The following CSMD1 variants were observed in gnomAD, a reference collection of about 807,000 sequenced individuals.
The protein encoded by CSMD1 is CUB and Sushi multiple domains 1, also known as CUB and sushi domain-containing protein 1.
In CSMD1, 213 loss-of-function variants were observed where a neutral mutation model predicts 417.5. The ratio of observed to expected loss-of-function variants is 0.51; its 90% CI spans 0.46 to 0.57. The LOEUF (loss-of-function observed/expected upper bound fraction) is 0.57. CSMD1 is among the 20% of genes least tolerant of loss of function. The probability of loss-of-function intolerance (pLI) is 0.00; values close to 1 mark genes in which losing one functional copy is unlikely to be tolerated. For missense variants in CSMD1, 6,923 were observed against 4,529.7 expected, an observed-to-expected ratio of 1.53 and a Z score of -15.17; for synonymous variants, 2,862 against 1,736.8, an observed-to-expected ratio of 1.65 and a Z score of -16.11.
intron 12 of CSMD1, among the ~76,000 whole-genome samples, chr8:3,447,521 G>A (rs541580752): frequency 1.3e-5 from 2 of 152,158 alleles, no homozygotes; most frequent in Non-Finnish European, 2.9e-5. Flanking sequence ...TACTTTGTGC[G>A]GCTGGTGTGG....
chr8:3,358,930 A>G (rs982932457), intron 21 of CSMD1, among the ~76,000 whole-genome samples: 2 of 152,158 alleles, frequency 1.3e-5, no homozygotes, highest in Non-Finnish European at 2.9e-5. Flanking sequence ...GTTCAATCAT[A>G]AAATTTCAGA....
At chr8:4,816,428 A>C (rs1408813532) in intron 1 of CSMD1, among the ~76,000 whole-genome samples, 1 of 152,026 alleles carries the variant, frequency 6.6e-6, no homozygotes, top group Non-Finnish European at 1.5e-5. Context: ...GCGGTTCACC[A>C]TGTTGGCCAG....
intron 5 of CSMD1, among the ~76,000 whole-genome samples, chr8:3,843,131 T>C (rs1015401939): frequency 6.6e-6 from 1 of 152,190 alleles, no homozygotes; most frequent in African/African-American, 2.4e-5. Flanking sequence ...AATGATTCCA[T>C]AGCACATCTA....
chr8:3,237,287 G>A (rs141360106), intron 26 of CSMD1, among the ~76,000 whole-genome samples: 10,320 of 151,670 alleles, frequency 0.068, 425 homozygotes, highest in East Asian at 0.19. Context: ...CCAACATGGT[G>A]AAACCCTGTC....
chr8:4,109,017 G>T (rs955774118), intron 3 of CSMD1, among the ~76,000 whole-genome samples: 3 of 152,102 alleles, frequency 2.0e-5, no homozygotes, highest in African/African-American at 7.2e-5. Flanking sequence ...GGACCTCCAT[G>T]GATACAAATA....
chr8:4,316,318 T>G (rs1585217700), intron 3 of CSMD1, among the ~76,000 whole-genome samples: 1 of 152,148 alleles, frequency 6.6e-6, no homozygotes, highest in African/African-American at 2.4e-5. Flanking sequence ...GAGAAAATAA[T>G]CTGCATATTT....
intron 3 of CSMD1, among the ~76,000 whole-genome samples, chr8:4,221,156 G>A: frequency 6.6e-6 from 1 of 152,290 alleles, no homozygotes; most frequent in South Asian, 2.1e-4. Context: ...GAATATCACT[G>A]AAGCTCCATC....
chr8:3,439,620 T>C (rs1229495127), intron 12 of CSMD1, among the ~76,000 whole-genome samples: 7 of 151,976 alleles, frequency 4.6e-5, no homozygotes, highest in Admixed American at 4.6e-4. Context: ...AAGTTCTTTA[T>C]ATGATTTTTC....
At chr8:3,954,565 C>A (rs779415959) in intron 5 of CSMD1, among the ~76,000 whole-genome samples, 2 of 152,194 alleles carry the variant, frequency 1.3e-5, no homozygotes, top group African/African-American at 4.8e-5. Context: ...GACGGGGTTT[C>A]ACCGTGTTGC....
rs973486974 is a variant in CSMD1 at position 4,728,022 on chromosome 8, T to G, written c.86-90464A>C. ...TATTTATATACAAAATATATATATA[T>G]TTTTTCTATTTTTTTGGTTTATTGT... On this transcript the variant is annotated intron_variant, in intron 1 of 69. Transcript: ENST00000635120. 1.2e-4 allele frequency among the ~76,000 whole-genome samples: 18 copies of G among 146,396 alleles called. No homozygotes were observed. In the Admixed American group the frequency reaches 1.2e-3, roughly 10 times the overall value.
In CSMD1 at chr8:4,631,133, C is replaced by T. The variant is rs557485057; in HGVS notation, c.302+6209G>A. 9.2e-5 allele frequency among the ~76,000 whole-genome samples: 14 copies of T among 152,142 alleles called. 1 individual carries two copies. Among genetic ancestry groups the T allele is most frequent in the South Asian group, 8.3e-4 (4 of 4,826 alleles). ...ATCCCAGCACTTTGGGAGGCCGAGG[C>T]GGGTGGATCACGAGGTCAGGAGTTC... On this transcript the variant is annotated intron_variant, in intron 2 of 69. Transcript: ENST00000635120.
chr8:3,673,002 C>G (rs1309237231), intron 7 of CSMD1, among the ~76,000 whole-genome samples: 1 of 152,160 alleles, frequency 6.6e-6, no homozygotes, highest in Non-Finnish European at 1.5e-5. Context: ...GTAACACATA[C>G]CATGCTTTCC....
At chr8:2,953,091 A>T (rs974960261) in intron 65 of CSMD1, among the ~76,000 whole-genome samples, 3 of 152,208 alleles carry the variant, frequency 2.0e-5, no homozygotes, top group African/African-American at 7.2e-5. Context: ...CTTAAACACA[A>T]AATAAGCAAA....
chr8:3,916,051 A>G (rs754556027), intron 5 of CSMD1, among the ~76,000 whole-genome samples: 1 of 151,868 alleles, frequency 6.6e-6, no homozygotes, highest in Non-Finnish European at 1.5e-5. Flanking sequence ...GGGTAACATA[A>G]TACTTTGCTT....
chr8:3,782,309 A>G (rs1205005544), intron 5 of CSMD1, among the ~76,000 whole-genome samples: 1 of 152,168 alleles, frequency 6.6e-6, no homozygotes, highest in African/African-American at 2.4e-5. Context: ...TGCTAACCAT[A>G]CTTGTATGAT....
At chr8:4,054,188 C>T (rs949532633) in intron 3 of CSMD1, among the ~76,000 whole-genome samples, 6 of 152,078 alleles carry the variant, frequency 3.9e-5, no homozygotes, top group East Asian at 1.9e-4. Context: ...ACAGAACGCA[C>T]GGCCATGAGA....
At chr8:4,046,935 T>G (rs778032244) in intron 3 of CSMD1, among the ~76,000 whole-genome samples, 1 of 152,138 alleles carries the variant, frequency 6.6e-6, no homozygotes, top group African/African-American at 2.4e-5. Flanking sequence ...AAGAGGGAAC[T>G]TGAGTCCTAA....
intron 26 of CSMD1, among the ~76,000 whole-genome samples, chr8:3,271,762 C>T (rs546243416): frequency 2.0e-5 from 3 of 152,044 alleles, no homozygotes; most frequent in African/African-American, 7.2e-5. Flanking sequence ...CCTTTGCCCA[C>T]TTTTTGATGG....
chr8:3,090,316 C>CAAAAAAAAAAAAAAAAAAAAAAA (rs35534326), intron 48 of CSMD1, among the ~76,000 whole-genome samples: 1 of 79,788 alleles, frequency 1.3e-5, no homozygotes, highest in African/African-American at 4.6e-5. Context: ...GACTGTATTT[C>CAAAAAAAAAAAAAAAAAAAAAAA]AAAAAAAAAA....
Sources: gnomAD v4.1 joint callset for allele counts (sites outside exome capture counted in the v4.1 genomes callset) on GRCh38, gnomAD v4.1.1 for gene constraint, MANE v1.5 for transcripts, NCBI Gene and HGNC (gene_info 2026-07-23, HGNC 2026-07-21) for gene names.